The following COLEC12 variants were observed in gnomAD, a reference collection of about 807,000 sequenced individuals.
COLEC12 encodes the protein collectin-12.
In COLEC12, 33 loss-of-function variants were observed where a neutral mutation model predicts 71.1. The ratio of observed to expected loss-of-function variants is 0.46; its 90% CI spans 0.35 to 0.62. COLEC12 has a LOEUF of 0.62. COLEC12 is among the 20% of genes least tolerant of loss of function. The pLI, the probability that COLEC12 is intolerant of heterozygous loss-of-function variation, is 0.00. For missense variants in COLEC12, 765 were observed against 916.1 expected, an observed-to-expected ratio of 0.84 and a Z score of 2.13; for synonymous variants, 350 against 353.0, an observed-to-expected ratio of 0.99 and a Z score of 0.10.
In COLEC12 at chr18:327,234, T is replaced by TA. The variant is rs1913866122; in HGVS notation, c.2063+4433dup. Among the ~76,000 whole-genome samples the TA allele has an allele frequency of 6.6e-6, 1 of 152,198 alleles. No individual in the cohort carries two copies. Among genetic ancestry groups the TA allele is most frequent in the Non-Finnish European group, 1.5e-5 (1 of 68,048 alleles). On this transcript the variant is annotated intron_variant, in intron 8 of 9. Transcript: ENST00000400256. This position sits in a 1 kb window ranked among gnomAD's most constrained non-coding sequence, Gnocchi z 4.0. ...CCAGCCATCTCTTCTTGGAAATAAT[T>TA]ATAGGTTTATTATTATTTTTTTTAA...
intron 2 of COLEC12, among the ~76,000 whole-genome samples, chr18:398,783 A>C (rs746856866): frequency 3.9e-5 from 6 of 152,230 alleles, no homozygotes; most frequent in Non-Finnish European, 7.3e-5. Context: ...AAGCCAACTG[A>C]AGACATGTAC....
At position 463,748 on chromosome 18, in the gene COLEC12, C is replaced by G. The variant is rs150232424; in HGVS notation, c.58+16959G>C. Among the ~76,000 whole-genome samples, 265 of 152,312 alleles carry G rather than the reference C, an allele frequency of 1.7e-3. 2 individuals are homozygous for G. The highest frequency in any genetic ancestry group is 6.0e-3 in the African/African-American group (249 of 41,552). On this transcript the variant is annotated intron_variant, in intron 2 of 9. Transcript: ENST00000400256. ...CATTCCCGTTGTCACACGTCCATCACCAGCTTATTCACCGGTGACAGCCAC... is the reference window on the plus strand; with the variant it reads ...CATTCCCGTTGTCACACGTCCATCAGCAGCTTATTCACCGGTGACAGCCAC...
rs549883271 is a variant in COLEC12 at position 425,630 on chromosome 18, A to G, written c.58+55077T>C. On this transcript the variant is annotated intron_variant, in intron 2 of 9. Transcript: ENST00000400256. ...AAATACAGTCCTTACAGGTTTAATT[A>G]AAGACACACAGCCCCCACGGTCATC... Among the ~76,000 whole-genome samples, 226 of 152,304 alleles carry G rather than the reference A, an allele frequency of 1.5e-3. 1 individual carries two copies. Among genetic ancestry groups the G allele is most frequent in the Middle Eastern group, 0.01 (3 of 294 alleles).
At chr18:325,306 T>C (rs1192326329) in intron 8 of COLEC12, among the ~76,000 whole-genome samples, 1 of 152,200 alleles carries the variant, frequency 6.6e-6, no homozygotes, top group African/African-American at 2.4e-5. Context: ...AGATGAAAGC[T>C]GTGACTCGTA....
chr18:470,520 C>T (rs1358422185), intron 2 of COLEC12, among the ~76,000 whole-genome samples: 1 of 151,886 alleles, frequency 6.6e-6, no homozygotes, highest in Non-Finnish European at 1.5e-5. Context: ...CAGGTGTGAG[C>T]CACCACCCCA....
chr18:363,819 T>A (rs55965768), intron 2 of COLEC12, among the ~76,000 whole-genome samples: 3,080 of 152,178 alleles, frequency 0.02, 36 homozygotes, highest in Non-Finnish European at 0.031. Flanking sequence ...GTAAAAAAAA[T>A]TTTTTTTATT....
Position 408,050 on chromosome 18 carries a change from T to C in COLEC12, c.59-50528A>G, listed in dbSNP as rs1915823975. Among the ~76,000 whole-genome samples, 1 of 152,184 alleles carries C rather than the reference T, an allele frequency of 6.6e-6. No individual in the cohort carries two copies. Among genetic ancestry groups the C allele is most frequent in the East Asian group, 1.9e-4 (1 of 5,192 alleles). Reference sequence around the variant, plus strand: ...GAATATGACTCATGCAGAGAAGGAATCCAGTTGGCACTAACCTAGGAAATG... The same window carrying C: ...GAATATGACTCATGCAGAGAAGGAACCCAGTTGGCACTAACCTAGGAAATG... On this transcript the variant is annotated intron_variant, in intron 2 of 9. Coordinates refer to ENST00000400256, the MANE Select transcript of COLEC12 (RefSeq NM_130386.3). The surrounding 1 kb of genome is among the most constrained non-coding windows in gnomAD (Gnocchi z 4.3).
chr18:330,310 C>T (rs1913943026), intron 8 of COLEC12, among the ~76,000 whole-genome samples: 1 of 152,130 alleles, frequency 6.6e-6, no homozygotes, highest in African/African-American at 2.4e-5. Context: ...GCCCATGAGA[C>T]TCTCTTAGGC....
chr18:451,709 T>C (rs1916764945), intron 2 of COLEC12, among the ~76,000 whole-genome samples: 1 of 151,510 alleles, frequency 6.6e-6, no homozygotes, highest in East Asian at 2.0e-4. Context: ...ATCACGCCAC[T>C]GCACTCCAGC....
intron 2 of COLEC12, among the ~76,000 whole-genome samples, chr18:436,742 G>C (rs1318827146): frequency 1.3e-5 from 2 of 151,868 alleles, no homozygotes; most frequent in Non-Finnish European, 2.9e-5. Context: ...GACAGTGATG[G>C]AAGGGTTGGG....
At chr18:425,314 C>A (rs1034106321) in intron 2 of COLEC12, among the ~76,000 whole-genome samples, 3 of 152,182 alleles carry the variant, frequency 2.0e-5, no homozygotes, top group Non-Finnish European at 1.5e-5. Context: ...TGCCCCCGAC[C>A]CTTGCTCTTT....
chr18:430,272 T>C (rs1167869112), intron 2 of COLEC12, among the ~76,000 whole-genome samples: 2 of 151,760 alleles, frequency 1.3e-5, no homozygotes, highest in Non-Finnish European at 2.9e-5. Context: ...AGGCAGAGGT[T>C]GCAGTGAGCT....
chr18:449,750 G>A (rs1238663647), intron 2 of COLEC12, among the ~76,000 whole-genome samples: 4 of 152,168 alleles, frequency 2.6e-5, no homozygotes, highest in Non-Finnish European at 5.9e-5. Context: ...CGAGAGCCAG[G>A]TCACTTCTGC....
intron 2 of COLEC12, among the ~76,000 whole-genome samples, chr18:462,331 G>A (rs760802601): frequency 1.3e-4 from 20 of 152,148 alleles, no homozygotes; most frequent in African/African-American, 1.7e-4. Context: ...TCCATGTCAC[G>A]GAATATTATT....
At chr18:467,502 A>G (rs1419086800) in intron 2 of COLEC12, among the ~76,000 whole-genome samples, 1 of 152,220 alleles carries the variant, frequency 6.6e-6, no homozygotes, top group Non-Finnish European at 1.5e-5. Context: ...TTTGTCCAAT[A>G]TGTTTTTCAT....
chr18:392,825 G>A (rs930020109), intron 2 of COLEC12, among the ~76,000 whole-genome samples: 1 of 152,228 alleles, frequency 6.6e-6, no homozygotes, highest in Non-Finnish European at 1.5e-5. Flanking sequence ...ACTGCACTTA[G>A]TCCAGAATGA....
chr18:429,996 C>T (rs1490093296), intron 2 of COLEC12, among the ~76,000 whole-genome samples: 1 of 152,166 alleles, frequency 6.6e-6, no homozygotes, highest in Non-Finnish European at 1.5e-5. Flanking sequence ...TCTGCATCGC[C>T]AGCTCCCAGG....
At chr18:437,964 T>C (rs1423752884) in intron 2 of COLEC12, among the ~76,000 whole-genome samples, 2 of 152,246 alleles carry the variant, frequency 1.3e-5, no homozygotes, top group African/African-American at 4.8e-5. Flanking sequence ...ATAGACTTTT[T>C]AGAAATTTAT....
chr18:363,272 A>G (rs1914787068), intron 2 of COLEC12, among the ~76,000 whole-genome samples: 1 of 151,880 alleles, frequency 6.6e-6, no homozygotes, highest in Non-Finnish European at 1.5e-5. Flanking sequence ...TTTTTTTGCC[A>G]TGTATATCAC....
Sources: allele counts gnomAD v4.1 joint callset (sites outside exome capture counted in the v4.1 genomes callset), GRCh38; gene constraint gnomAD v4.1.1; non-coding constraint Gnocchi (gnomAD v3.1); transcripts MANE v1.5; gene names NCBI Gene and HGNC (gene_info 2026-07-23, HGNC 2026-07-21).